The following CAST variants were observed in gnomAD, a reference collection of about 807,000 sequenced individuals.
The protein encoded by CAST is MIR583 host.
Under a neutral mutation model 119.6 loss-of-function variants are expected in CAST, and 76 were observed. The observed-to-expected ratio is 0.64, with a 90% CI of 0.53 to 0.77. CAST has a LOEUF of 0.77. Ranked by LOEUF, CAST falls within the 30% of genes least tolerant of loss-of-function variation. The pLI is 0.00. For missense variants in CAST, 953 were observed against 946.5 expected, an observed-to-expected ratio of 1.01 and a Z score of -0.09; for synonymous variants, 319 against 331.6, an observed-to-expected ratio of 0.96 and a Z score of 0.41.
chr5:96,727,554 T>C (rs758829464), intron 6 of CAST, 24 bp downstream of exon 6: 2 of 1,475,638 alleles, frequency 1.4e-6, no homozygotes, highest in South Asian at 2.5e-5. Context: ...GTCTGTTAGT[T>C]AGTTATTTGG....
chr5:96,211,730 T>C, the CAST span, among the ~76,000 whole-genome samples: 110 of 152,172 alleles, frequency 7.2e-4, no homozygotes, highest in African/African-American at 2.6e-3. Flanking sequence ...TCTGTAAACA[T>C]TGGGAATAAT....
At chr5:96,480,100 A>T in the CAST span, among the ~76,000 whole-genome samples, 1 of 152,182 alleles carries the variant, frequency 6.6e-6, no homozygotes, top group Non-Finnish European at 1.5e-5. Context: ...AAAAACATTA[A>T]CCATTTCGGT....
chr5:96,330,529 C>T, the CAST span, among the ~76,000 whole-genome samples: 2 of 152,182 alleles, frequency 1.3e-5, no homozygotes, highest in African/African-American at 4.8e-5. Flanking sequence ...TACTTCTTCT[C>T]ACCCCTTTTT....
At chr5:96,537,092 A>C (rs1182160025) in intron 1 of CAST, among the ~76,000 whole-genome samples, 1 of 152,204 alleles carries the variant, frequency 6.6e-6, no homozygotes, top group Non-Finnish European at 1.5e-5. Context: ...TAAAGAAAAG[A>C]AGCTTTCAAT....
At chr5:96,408,098 G>A in the CAST span, 321 of 718,936 alleles carry the variant, frequency 4.5e-4, 1 homozygote, top group Non-Finnish European at 7.3e-4. Context: ...TGGCAGGAAA[G>A]AGCTTATCTT....
the CAST span, among the ~76,000 whole-genome samples, chr5:96,052,232 T>C: frequency 6.6e-6 from 1 of 152,232 alleles, no homozygotes; most frequent in African/African-American, 2.4e-5. Flanking sequence ...GGGCACTAAA[T>C]GTGACCATCA....
chr5:96,523,413 G>A (rs1480582520), upstream of CAST, among the ~76,000 whole-genome samples: 1 of 152,190 alleles, frequency 6.6e-6, no homozygotes, highest in East Asian at 1.9e-4. Context: ...AACCAAGAGA[G>A]TCAAGTTTTG....
At chr5:96,678,909 CTT>C (rs1751013087) in intron 2 of CAST, among the ~76,000 whole-genome samples, 1 of 152,074 alleles carries the variant, frequency 6.6e-6, no homozygotes. Context: ...TTTCAGAGTT[CTT>C]TCTCCCTTGC....
intron 2 of CAST, among the ~76,000 whole-genome samples, chr5:96,685,049 AAT>A (rs141170583): frequency 0.015 from 2,195 of 150,830 alleles, 57 homozygotes; most frequent in African/African-American, 0.05. Context: ...AGAATATATA[AAT>A]ATATATATAT....
the CAST span, among the ~76,000 whole-genome samples, chr5:96,170,893 G>A: frequency 3.9e-5 from 6 of 152,176 alleles, no homozygotes; most frequent in Admixed American, 1.3e-4. Flanking sequence ...GAGGAGAGGT[G>A]ATAAAAGGAT....
the CAST span, among the ~76,000 whole-genome samples, chr5:96,299,941 A>G: frequency 2.6e-5 from 4 of 152,104 alleles, no homozygotes; most frequent in African/African-American, 4.8e-5. Context: ...GGTTCCTTGC[A>G]CATTTCTTTA....
the CAST span, among the ~76,000 whole-genome samples, chr5:96,057,880 G>C: frequency 6.6e-6 from 1 of 151,992 alleles, no homozygotes; most frequent in East Asian, 1.9e-4. Context: ...GTTTCATTGT[G>C]GCAAGAGCAT....
chr5:96,239,096 T>C, the CAST span, among the ~76,000 whole-genome samples: 1 of 152,186 alleles, frequency 6.6e-6, no homozygotes, highest in Admixed American at 6.5e-5. Context: ...AATATAATCA[T>C]TGCCAATATG....
chr5:96,164,554 CA>C, the CAST span, among the ~76,000 whole-genome samples: 1 of 152,156 alleles, frequency 6.6e-6, no homozygotes, highest in Non-Finnish European at 1.5e-5. Flanking sequence ...GACTGATGGT[CA>C]ACAATCAGTT....
chr5:96,169,098 AGTT>A, the CAST span, among the ~76,000 whole-genome samples: 33 of 152,144 alleles, frequency 2.2e-4, no homozygotes, highest in East Asian at 1.7e-3. Flanking sequence ...GAAGGAAAGG[AGTT>A]GTTGTTTTGT....
At chr5:96,467,370 T>C in the CAST span, among the ~76,000 whole-genome samples, 1 of 152,064 alleles carries the variant, frequency 6.6e-6, no homozygotes, top group Non-Finnish European at 1.5e-5. Context: ...TTTTATTCCT[T>C]CTGTATTTTG....
the CAST span, among the ~76,000 whole-genome samples, chr5:96,461,521 T>C: frequency 2.6e-5 from 4 of 152,046 alleles, no homozygotes; most frequent in Non-Finnish European, 5.9e-5. Flanking sequence ...CTGACACTGG[T>C]CATTGCCCAT....
chr5:96,252,280 T>C, the CAST span, among the ~76,000 whole-genome samples: 2 of 152,170 alleles, frequency 1.3e-5, no homozygotes, highest in Non-Finnish European at 2.9e-5. Context: ...GTCATTACAC[T>C]ATGTTTTCTG....
chr5:96,641,677 C>T lies in CAST; in HGVS notation c.61-33862C>T, dbSNP rs1207406985. ...TTCAGATCCTGAAACATGCCTGGCT[C>T]TCCCCAGTTCCTGCCTCTGCTCATT... On this transcript the variant is annotated intron_variant, in intron 1 of 11. Transcript: ENST00000505143. Among the ~76,000 whole-genome samples, 10 of 152,264 alleles carry T rather than the reference C, an allele frequency of 6.6e-5. No individual in the cohort carries two copies. In the East Asian group the frequency reaches 1.7e-3, roughly 26 times the overall value.
Sources: allele counts gnomAD v4.1 joint callset (sites outside exome capture counted in the v4.1 genomes callset), GRCh38; gene constraint gnomAD v4.1.1; transcripts MANE v1.5; gene names NCBI Gene and HGNC (gene_info 2026-07-23, HGNC 2026-07-21).